PRR11: variants seen among roughly 807,000 people sequenced by gnomAD.
PRR11 encodes the protein proline rich 11.
In PRR11, 30 loss-of-function variants were observed where a neutral mutation model predicts 45.6. The observed-to-expected ratio is 0.66, with a 90% CI of 0.49 to 0.89. PRR11 has a LOEUF of 0.89. Ranked by LOEUF, PRR11 falls within the 40% of genes least tolerant of loss-of-function variation. The pLI is 0.00. For missense variants in PRR11, 373 were observed against 424.8 expected (o/e 0.88, Z 1.07); for synonymous variants, 128 against 153.5 (o/e 0.83, Z 1.23).
chr17:59,195,457 C>G lies in PRR11; in HGVS notation c.857+14C>G. The stretch of plus-strand genomic sequence containing the variant: ...AAACGTCTTAATGTAAGGAACTGCA[C>G]AGTACTATGCTCTACTACTACTTAA... On this transcript the variant is annotated intron_variant, in intron 7 of 9. Transcript: ENST00000262293. The G allele has an allele frequency of 6.8e-7, 1 of 1,479,724 alleles. No homozygotes were observed. 91.7% of individuals were successfully genotyped at this position (1,479,724 alleles called of 1,614,324 possible).
chr17:59,188,387 T>A (rs990465796), intron 4 of PRR11, among the ~76,000 whole-genome samples: 22 of 152,320 alleles, frequency 1.4e-4, no homozygotes, highest in Non-Finnish European at 1.6e-4. Flanking sequence ...TCAAAATTTT[T>A]AAAATATATA....
Position 59,197,552 on chromosome 17 carries a change from G to A in PRR11, c.866G>A (p.Gly289Glu). 6.2e-7 allele frequency: 1 copy of A among 1,613,824 alleles called. No homozygotes were observed. The highest frequency in any genetic ancestry group is 1.1e-5 in the South Asian group (1 of 91,066). ...TRVTNVLITP[G>E]KSQMDLRKLL... is the part of the protein sequence containing the mutation. ...TATCTTTGTTTTATCAGCACTCCTGGAAAAAGTCAGATGGATCTGCGGAAA... is the reference window on the plus strand; with the variant it reads ...TATCTTTGTTTTATCAGCACTCCTGAAAAAAGTCAGATGGATCTGCGGAAA... The change falls in exon 8 of 10, where the codon GGA becomes GAA. Residue 289 changes from glycine (G) to glutamate (E), a missense_variant. Coordinates refer to ENST00000262293, the MANE Select transcript of PRR11 (RefSeq NM_018304.4).
chr17:59,182,801 G>C (rs899250167), intron 2 of PRR11, among the ~76,000 whole-genome samples: 2 of 152,122 alleles, frequency 1.3e-5, no homozygotes, highest in Non-Finnish European at 2.9e-5. Flanking sequence ...GGTACCCTGA[G>C]GTGCTCAGCT....
intron 1 of PRR11, among the ~76,000 whole-genome samples, chr17:59,163,969 G>A (rs1948954415): frequency 6.6e-6 from 1 of 152,196 alleles, no homozygotes; most frequent in Non-Finnish European, 1.5e-5. Flanking sequence ...GGAGGCTGAG[G>A]CAGGAGAATC....
At chr17:59,157,053 T>C (rs1364284943) in intron 1 of PRR11, among the ~76,000 whole-genome samples, 2 of 152,202 alleles carry the variant, frequency 1.3e-5, no homozygotes, top group Non-Finnish European at 2.9e-5. Context: ...TTTAGACCCA[T>C]CTTTTAGCCA....
chr17:59,166,286 G>A (rs996571490), intron 1 of PRR11, among the ~76,000 whole-genome samples: 6 of 152,210 alleles, frequency 3.9e-5, no homozygotes, highest in Non-Finnish European at 5.9e-5. Flanking sequence ...TGAAGGGAAG[G>A]AGGCCCAGGC....
intron 4 of PRR11, among the ~76,000 whole-genome samples, chr17:59,191,989 C>T (rs148481259): frequency 6.6e-6 from 1 of 152,144 alleles, no homozygotes; most frequent in African/African-American, 2.4e-5. Flanking sequence ...TGGCAGCCTC[C>T]AAAAGGTATA....
chr17:59,190,495 A>G (rs2046835954), intron 4 of PRR11, among the ~76,000 whole-genome samples: 1 of 152,156 alleles, frequency 6.6e-6, no homozygotes, highest in African/African-American at 2.4e-5. Context: ...AAAAAAAAGA[A>G]AAAAGAATTA....
chr17:59,185,700 G>A (rs867779197), intron 4 of PRR11, 138 bp downstream of exon 4: 1 of 759,142 alleles, frequency 1.3e-6, no homozygotes, highest in African/African-American at 1.8e-5. Flanking sequence ...TTCTTTGTTA[G>A]CAAGGAATAC....
At position 59,156,656 on chromosome 17, in the gene PRR11, CT is replaced by C. The variant is rs869165501; in HGVS notation, c.-6+865del. ...CAAAGAACTTTTCTTCTCTTTCTTT[CT>C]TTTTTTTTTTTTTCTTTTTTTGTGA... On this transcript the variant is annotated intron_variant, in intron 1 of 9. Transcript: ENST00000262293. Among the ~76,000 whole-genome samples, 517 of 142,138 alleles carry C rather than the reference CT, an allele frequency of 3.6e-3. 3 individuals carry two copies. Among genetic ancestry groups the C allele is most frequent in the African/African-American group, 9.5e-3 (370 of 39,076 alleles). The allele number at this position is 142,138 out of a possible 152,430, so 93.2% of individuals were successfully genotyped here.
Position 59,160,729 on chromosome 17 carries a change from A to G in PRR11, c.-6+4924A>G, listed in dbSNP as rs535674149. The G allele has an allele frequency of 2.0e-5, 3 of 152,030 alleles. No homozygotes were observed. In the South Asian group the frequency reaches 6.2e-4, roughly 32 times the overall value. 9.4% of individuals were successfully genotyped at this position (152,030 alleles called of 1,614,324 possible). ...GATCATAGAGTTATTTAGGATATTT[A>G]TGTTGTTTTTTTCTTTTTTTTGGAA... is the stretch of plus-strand genomic sequence containing the variant. On this transcript the variant is annotated intron_variant, in intron 1 of 9. Transcript: ENST00000262293.
chr17:59,195,051 A>T (rs2046859200), intron 6 of PRR11, among the ~76,000 whole-genome samples, 196 bp downstream of exon 6: 1 of 152,166 alleles, frequency 6.6e-6, no homozygotes, highest in African/African-American at 2.4e-5. Context: ...GGGAGAAGTC[A>T]TTTCATTTCA....
intron 1 of PRR11, among the ~76,000 whole-genome samples, chr17:59,162,335 T>C (rs965874863): frequency 7.9e-5 from 12 of 151,842 alleles, no homozygotes; most frequent in African/African-American, 2.9e-4. Flanking sequence ...ATGACAGACA[T>C]TGGCTTGTGT....
At chr17:59,164,981 T>C (rs1426247308) in intron 1 of PRR11, among the ~76,000 whole-genome samples, 1 of 152,150 alleles carries the variant, frequency 6.6e-6, no homozygotes, top group African/African-American at 2.4e-5. Context: ...CTAAATATCT[T>C]CATCAGAGTA....
At chr17:59,183,272 C>T (rs1434326416) in intron 2 of PRR11, among the ~76,000 whole-genome samples, 1 of 152,178 alleles carries the variant, frequency 6.6e-6, no homozygotes, top group East Asian at 1.9e-4. Flanking sequence ...GTCTTCTCCA[C>T]TCAAAGCCTG....
At chr17:59,164,348 A>G (rs553335335) in intron 1 of PRR11, among the ~76,000 whole-genome samples, 7 of 152,226 alleles carry the variant, frequency 4.6e-5, no homozygotes, top group African/African-American at 1.4e-4. Flanking sequence ...CTTATCTTTT[A>G]TCTTAATTCT....
In PRR11 at chr17:59,173,821, C is replaced by G. The variant is rs371980142; in HGVS notation, c.128+3941C>G. On this transcript the variant is annotated intron_variant, in intron 2 of 9. Coordinates refer to ENST00000262293, the MANE Select transcript of PRR11 (RefSeq NM_018304.4). ...AACAGTCCAGGTTCTTCTAGATGAT[C>G]TGCACAAATGGCTCCTCTCCTCCTT... Among the ~76,000 whole-genome samples, 13 of 152,162 alleles carry G rather than the reference C, an allele frequency of 8.5e-5. 1 individual carries two copies. The East Asian group carries it at 1.3e-3, about 16-fold the overall frequency.
chr17:59,165,262 T>C (rs1013872381), intron 1 of PRR11, among the ~76,000 whole-genome samples: 3 of 151,898 alleles, frequency 2.0e-5, no homozygotes, highest in Non-Finnish European at 4.4e-5. Flanking sequence ...CCTCATGATC[T>C]GCCCGCCTTG....
At chr17:59,170,618 T>C (rs1212083152) in intron 2 of PRR11, among the ~76,000 whole-genome samples, 1 of 152,144 alleles carries the variant, frequency 6.6e-6, no homozygotes, top group Non-Finnish European at 1.5e-5. Flanking sequence ...ATGTTGATGC[T>C]GTGTTGCCCA....
Sources: gnomAD v4.1 joint callset for allele counts (sites outside exome capture counted in the v4.1 genomes callset) on GRCh38, gnomAD v4.1.1 for gene constraint, MANE v1.5 for transcripts, NCBI Gene and HGNC (gene_info 2026-07-23, HGNC 2026-07-21) for gene names.